Variants in RBFOX1 observed in about 807,000 individuals in gnomAD.
RBFOX1 encodes RNA binding protein fox-1 homolog 1.
A neutral mutation model predicts 57.7 loss-of-function variants in RBFOX1; 8 were observed. The observed-to-expected ratio is 0.14, with a 90% CI of 0.08 to 0.25. The LOEUF is 0.25. Ranked by LOEUF, RBFOX1 falls within the 10% of genes least tolerant of loss-of-function variation. The pLI, the probability that RBFOX1 is intolerant of heterozygous loss-of-function variation, is 1.00. For synonymous variants in RBFOX1, 326 were observed against 222.4 expected (o/e 1.47, Z -4.15); for missense variants, 611 against 548.5 (o/e 1.11, Z -1.14).
chr16:7,490,415 T>G (rs1224986186), intron 4 of RBFOX1, among the ~76,000 whole-genome samples: 1 of 152,198 alleles, frequency 6.6e-6, no homozygotes, highest in Non-Finnish European at 1.5e-5. Flanking sequence ...CTAGAGTGGA[T>G]TGGTCTATGA....
chr16:7,119,058 G>A (rs966980937), intron 4 of RBFOX1, among the ~76,000 whole-genome samples: 2 of 152,096 alleles, frequency 1.3e-5, no homozygotes, highest in Admixed American at 1.3e-4. Context: ...GGGGCATTTT[G>A]TAACTGAATA....
intron 5 of RBFOX1, among the ~76,000 whole-genome samples, chr16:7,572,059 G>A (rs902123204): frequency 9.9e-5 from 15 of 152,174 alleles, no homozygotes; most frequent in East Asian, 7.7e-4. Flanking sequence ...CCTGGCAGAC[G>A]GAGGTTGCAG....
rs140289103 is a variant in RBFOX1, at chr16:7,601,877, G to A, written c.622+4446G>A. The stretch of plus-strand genomic sequence containing the variant: ...TAAATTTTGGCAATAAATACACGCC[G>A]TTAAAGAATATTCAGTGAACCCAAA... On this transcript the variant is annotated intron_variant, in intron 9 of 15. Coordinates refer to ENST00000550418, the MANE Select transcript of RBFOX1 (RefSeq NM_018723.4). 5.4e-4 allele frequency among the ~76,000 whole-genome samples: 82 copies of A among 152,264 alleles called. 1 individual carries two copies. The highest frequency in any genetic ancestry group is 1.8e-3 in the African/African-American group (73 of 41,546).
At chr16:6,518,970 G>C (rs1373608618) in intron 2 of RBFOX1, among the ~76,000 whole-genome samples, 1 of 151,800 alleles carries the variant, frequency 6.6e-6, no homozygotes, top group Non-Finnish European at 1.5e-5. Context: ...CCACCTAGTG[G>C]GGCCAGAAAA....
At chr16:6,185,675 G>C (rs963848191) in intron 1 of RBFOX1, among the ~76,000 whole-genome samples, 1 of 152,210 alleles carries the variant, frequency 6.6e-6, no homozygotes, top group Non-Finnish European at 1.5e-5. Flanking sequence ...CTATACACTT[G>C]TGGGTCTAAA....
intron 2 of RBFOX1, among the ~76,000 whole-genome samples, chr16:6,519,149 C>G (rs1383714543): frequency 6.6e-6 from 1 of 151,968 alleles, no homozygotes; most frequent in African/African-American, 2.4e-5. Context: ...AATGTCTCTG[C>G]AGTCAAGATA....
intron 2 of RBFOX1, among the ~76,000 whole-genome samples, chr16:5,587,764 C>T (rs1276874557): frequency 6.6e-6 from 1 of 152,068 alleles, no homozygotes; most frequent in Admixed American, 6.6e-5. Context: ...GGACCTGAGC[C>T]CTCATAAACA....
intron 4 of RBFOX1, among the ~76,000 whole-genome samples, chr16:7,197,440 G>GAAAA (rs57893229): frequency 4.7e-4 from 43 of 91,284 alleles, no homozygotes; most frequent in African/African-American, 1.2e-3. Flanking sequence ...CCTGTGAGTG[G>GAAAA]AAAAAAAAAA....
intron 1 of RBFOX1, among the ~76,000 whole-genome samples, chr16:6,115,464 G>T (rs575033774): frequency 2.8e-4 from 43 of 152,302 alleles, no homozygotes; most frequent in South Asian, 6.2e-4. Flanking sequence ...TAACAGAGTA[G>T]CCCTTTAATA....
intron 4 of RBFOX1, among the ~76,000 whole-genome samples, chr16:7,463,654 C>G (rs561079118): frequency 7.2e-4 from 109 of 152,238 alleles, no homozygotes; most frequent in African/African-American, 2.6e-3. Context: ...ACATTCAAAC[C>G]ATAGCAGTCA....
At chr16:6,511,656 C>G (rs933585184) in intron 2 of RBFOX1, among the ~76,000 whole-genome samples, 2 of 152,130 alleles carry the variant, frequency 1.3e-5, no homozygotes, top group Non-Finnish European at 2.9e-5. Flanking sequence ...TACTAACTCC[C>G]TGGTGAAGAA....
chr16:5,402,362 T>G (rs1246261622), intron 1 of RBFOX1, among the ~76,000 whole-genome samples: 1 of 152,148 alleles, frequency 6.6e-6, no homozygotes, highest in South Asian at 2.1e-4. Context: ...CGCATGCACA[T>G]AGGCCAGCCT....
intron 4 of RBFOX1, among the ~76,000 whole-genome samples, chr16:7,175,472 G>A (rs1199072987): frequency 3.3e-5 from 5 of 152,180 alleles, no homozygotes; most frequent in East Asian, 3.9e-4. Context: ...TCAGAAATGT[G>A]TGACAGGGAG....
At chr16:7,167,945 G>A (rs1045262620) in intron 4 of RBFOX1, among the ~76,000 whole-genome samples, 2 of 152,182 alleles carry the variant, frequency 1.3e-5, no homozygotes, top group Non-Finnish European at 2.9e-5. Flanking sequence ...GGTAGGGGAT[G>A]TTTGTAGTGA....
At chr16:6,664,525 C>G (rs1167563432) in intron 3 of RBFOX1, among the ~76,000 whole-genome samples, 1 of 152,184 alleles carries the variant, frequency 6.6e-6, no homozygotes, top group Non-Finnish European at 1.5e-5. Flanking sequence ...ACATATACCA[C>G]AAGTAGATCT....
At chr16:6,706,239 G>T (rs570852280) in intron 3 of RBFOX1, among the ~76,000 whole-genome samples, 120 of 152,104 alleles carry the variant, frequency 7.9e-4, no homozygotes, top group Non-Finnish European at 1.4e-3. Flanking sequence ...GGCTTTCCTG[G>T]TCGCCCATGT....
intron 2 of RBFOX1, among the ~76,000 whole-genome samples, chr16:6,546,706 A>G (rs965993415): frequency 6.6e-6 from 1 of 152,156 alleles, no homozygotes; most frequent in Non-Finnish European, 1.5e-5. Flanking sequence ...ACAAGGTCAC[A>G]TTACCAGGTA....
intron 3 of RBFOX1, among the ~76,000 whole-genome samples, chr16:6,675,352 A>G (rs1346802186): frequency 6.6e-6 from 1 of 152,134 alleles, no homozygotes; most frequent in Non-Finnish European, 1.5e-5. Flanking sequence ...TCAGAAGTGT[A>G]TCTGTCCCAA....
chr16:7,121,672 G>A (rs1371844352), intron 4 of RBFOX1, among the ~76,000 whole-genome samples: 2 of 151,864 alleles, frequency 1.3e-5, no homozygotes, highest in Admixed American at 6.6e-5. Context: ...ATTCTAGCAG[G>A]TATTTTTGTA....
Sources: gnomAD v4.1 joint callset for allele counts (sites outside exome capture counted in the v4.1 genomes callset) on GRCh38, gnomAD v4.1.1 for gene constraint, MANE v1.5 for transcripts, NCBI Gene and HGNC (gene_info 2026-07-23, HGNC 2026-07-21) for gene names.